RSF1: variants seen among roughly 807,000 people sequenced by gnomAD.
The protein encoded by RSF1 is HBV pX-associated protein 8.
In RSF1, 13 loss-of-function variants were observed where a neutral mutation model predicts 145.2. The observed-to-expected ratio is 0.09, with a 90% CI of 0.06 to 0.14. The LOEUF (loss-of-function observed/expected upper bound fraction) is 0.14, where lower values mean the gene tolerates loss of function less well. RSF1 is among the 10% of genes least tolerant of loss of function. RSF1 has a pLI of 1.00. For missense variants in RSF1, 1,517 were observed against 1,718.2 expected (o/e 0.88, Z 2.07); for synonymous variants, 577 against 592.6 (o/e 0.97, Z 0.38).
At chr11:77,688,154 T>C (rs2135834121) in intron 9 of RSF1, among the ~76,000 whole-genome samples, 1 of 152,198 alleles carries the variant, frequency 6.6e-6, no homozygotes, top group Admixed American at 6.5e-5. Flanking sequence ...TAGCTGGGCA[T>C]TGTGGCGCGT....
chr11:77,698,664 A>G lies in RSF1; in HGVS notation c.2538T>C (p.Thr846=). 1 of 1,614,190 alleles carries G rather than the reference A, an allele frequency of 6.2e-7. No individual in the cohort carries two copies. Among genetic ancestry groups the G allele is most frequent in the African/African-American group, 1.3e-5 (1 of 75,056 alleles). ...TCCATCTGCCACGTGTCCGAGAACCAGTCCATCGAACTTTGCCTTTGGGTT... is the reference window on the plus strand; with the variant it reads ...TCCATCTGCCACGTGTCCGAGAACCGGTCCATCGAACTTTGCCTTTGGGTT... The part of the protein sequence containing the change: ...KVKPKGKVRW[T]GSRTRGRWKY... The change falls in exon 7 of 16, where the codon ACT becomes ACC. Residue 846 remains threonine, a synonymous_variant. Transcript: ENST00000308488.
chr11:77,769,480 T>C (rs1411288698), intron 1 of RSF1, among the ~76,000 whole-genome samples: 2 of 152,214 alleles, frequency 1.3e-5, no homozygotes, highest in Non-Finnish European at 2.9e-5. Context: ...ACATGATAAA[T>C]TTCATAAACA....
the RSF1 span, among the ~76,000 whole-genome samples, chr11:77,837,387 C>T: frequency 6.7e-6 from 1 of 149,830 alleles, no homozygotes; most frequent in Non-Finnish European, 1.5e-5. Context: ...CCGCCTGCCT[C>T]GGCCTCCCAA....
intron 1 of RSF1, among the ~76,000 whole-genome samples, chr11:77,779,086 G>A (rs1337920525): frequency 6.6e-6 from 1 of 152,048 alleles, no homozygotes; most frequent in Admixed American, 6.6e-5. Flanking sequence ...TGGGATTACA[G>A]ACATGCACCA....
chr11:77,685,039 G>C, intron 10 of RSF1, 66 bp downstream of exon 10: 1 of 791,832 alleles, frequency 1.3e-6, no homozygotes. Context: ...ATTACATAAG[G>C]TGGGTAAAAT....
At chr11:77,710,652 G>C (rs767365453) in intron 5 of RSF1, among the ~76,000 whole-genome samples, 3 of 152,230 alleles carry the variant, frequency 2.0e-5, no homozygotes, top group Admixed American at 2.0e-4. Context: ...AGAGACATAT[G>C]ATACCTGGTT....
intron 4 of RSF1, among the ~76,000 whole-genome samples, chr11:77,729,895 C>CAAAAAAAAAGAAAAAAAA (rs1961157118): frequency 2.0e-5 from 1 of 48,906 alleles, no homozygotes; most frequent in Non-Finnish European, 4.5e-5. Flanking sequence ...ATTCAGTAGG[C>CAAAAAAAAAGAAAAAAAA]AAAAAAAAAA....
At chr11:77,783,263 T>C (rs1458895584) in intron 1 of RSF1, among the ~76,000 whole-genome samples, 2 of 152,228 alleles carry the variant, frequency 1.3e-5, no homozygotes, top group Admixed American at 1.3e-4. Flanking sequence ...AAATTTGCAA[T>C]ACATGGTGAT....
At chr11:77,815,433 A>G (rs1948772459) in intron 1 of RSF1, among the ~76,000 whole-genome samples, 1 of 152,248 alleles carries the variant, frequency 6.6e-6, no homozygotes, top group East Asian at 1.9e-4. Flanking sequence ...TATACCCATC[A>G]GGTAGAGTAA....
intron 3 of RSF1, among the ~76,000 whole-genome samples, chr11:77,746,514 TC>T (rs1221438494): frequency 6.6e-6 from 1 of 152,186 alleles, no homozygotes; most frequent in Admixed American, 6.5e-5. Flanking sequence ...GAATATTTTT[TC>T]TCCTCTACTA....
At chr11:77,845,436 T>C in the RSF1 span, among the ~76,000 whole-genome samples, 1 of 143,980 alleles carries the variant, frequency 6.9e-6, no homozygotes, top group Admixed American at 6.9e-5. Flanking sequence ...TCTTTTCTTT[T>C]TTTTTGGTGG....
chr11:77,869,728 C>T, the RSF1 span: 1 of 1,613,752 alleles, frequency 6.2e-7, no homozygotes, highest in Non-Finnish European at 8.5e-7. Flanking sequence ...CCAGCATTCT[C>T]CTGGTGTGCA....
rs748021219 is a variant in RSF1 at position 77,804,842 on chromosome 11, A to G, written c.187+15686T>C. Among the ~76,000 whole-genome samples the G allele has an allele frequency of 7.9e-5, 12 of 152,354 alleles. No individual in the cohort carries two copies. In the South Asian group the frequency reaches 8.3e-4, roughly 11 times the overall value. On this transcript the variant is annotated intron_variant, in intron 1 of 15. Coordinates refer to ENST00000308488, the MANE Select transcript of RSF1 (RefSeq NM_016578.4). ...AAGACCTTGTCTCAAAAAAGGCTGG[A>G]TAAAGAGTTGTTCCTCAGATGGAAT... is the stretch of plus-strand genomic sequence containing the variant.
At chr11:77,698,425 T>C in intron 7 of RSF1, 62 bp downstream of exon 7, 1 of 1,379,606 alleles carries the variant, frequency 7.2e-7, no homozygotes, top group South Asian at 1.2e-5. Flanking sequence ...AGAGTTAGGC[T>C]GCTCCAGGCA....
intron 1 of RSF1, 48 bp downstream of exon 1, chr11:77,820,480 C>T (rs73495923): frequency 1.3e-6 from 2 of 1,528,098 alleles, no homozygotes; most frequent in African/African-American, 2.8e-5. Flanking sequence ...CGGAGAGTAG[C>T]AGAGCGCCAG....
chr11:77,787,722 T>C (rs648842), intron 1 of RSF1, among the ~76,000 whole-genome samples: 99,664 of 151,748 alleles, frequency 0.66, 32,892 homozygotes, highest in South Asian at 0.81. Context: ...GCAGAACAAA[T>C]ATCAAGAATA....
At chr11:77,707,993 A>AT (rs1960592720) in intron 5 of RSF1, among the ~76,000 whole-genome samples, 1 of 152,202 alleles carries the variant, frequency 6.6e-6, no homozygotes, top group South Asian at 2.1e-4. Flanking sequence ...ATAACAACTA[A>AT]TTTTTATTTT....
intron 6 of RSF1, 51 bp from the exon 7 acceptor site, chr11:77,698,744 A>T: frequency 6.8e-7 from 1 of 1,467,438 alleles, no homozygotes; most frequent in Non-Finnish European, 9.5e-7. Flanking sequence ...AATGTCTTTT[A>T]AAAATCTCCT....
intron 1 of RSF1, among the ~76,000 whole-genome samples, chr11:77,769,089 G>A (rs868066328): frequency 5.3e-5 from 8 of 151,996 alleles, no homozygotes; most frequent in Middle Eastern, 6.8e-3. Flanking sequence ...ATGGAGTCTC[G>A]CTCTGTCGCC....
Sources: gnomAD v4.1 joint callset for allele counts (sites outside exome capture counted in the v4.1 genomes callset) on GRCh38, gnomAD v4.1.1 for gene constraint, MANE v1.5 for transcripts, NCBI Gene and HGNC (gene_info 2026-07-23, HGNC 2026-07-21) for gene names.